Variants in KCNH6 observed in about 807,000 individuals in gnomAD.
KCNH6 encodes voltage-gated inwardly rectifying potassium channel KCNH6.
A neutral mutation model predicts 83.4 loss-of-function variants in KCNH6; 81 were observed. That is an observed-to-expected ratio of 0.97 (90% CI 0.81 to 1.17). The LOEUF (loss-of-function observed/expected upper bound fraction) is 1.17, where lower values mean the gene tolerates loss of function less well. KCNH6 is among the 50% of genes most tolerant of loss of function. KCNH6 has a pLI of 0.00. For missense variants in KCNH6, 1,203 were observed against 1,290.5 expected, an observed-to-expected ratio of 0.93 and a Z score of 1.04; for synonymous variants, 503 against 545.6, an observed-to-expected ratio of 0.92 and a Z score of 1.09.
chr17:63,542,261 GA>G lies in KCNH6; in HGVS notation c.1977del (p.Glu659AspfsTer19), dbSNP rs753783548. ...GGCAGGAAAGAATGACATCTTTGGG[GA>G]ACCCGTCAGCCTCCATGCCCAGCCA... ...AILGKNDIFG[E>X]PVSLHAQPGK... On this transcript the variant is annotated frameshift_variant, in exon 9 of 13. Coordinates refer to ENST00000314672, the MANE Select transcript of KCNH6 (RefSeq NM_001278919.2). LOFTEE classifies it high-confidence loss of function. 3.5e-5 allele frequency: 57 copies of G among 1,613,796 alleles called. No individual in the cohort carries two copies. In the African/African-American group the frequency reaches 6.7e-4, roughly 19 times the overall value.
rs765940305 is a variant in KCNH6 at position 63,524,219 on chromosome 17, G to A, written c.157G>A (p.Gly53Ser). 3.7e-5 allele frequency: 60 copies of A among 1,613,974 alleles called. 2 individuals are homozygous for A. In the South Asian group the frequency reaches 4.7e-4, roughly 13 times the overall value. The change falls in exon 2 of 13, where the codon GGC (glycine) becomes AGC (serine). Residue 53 changes from glycine (G) to serine (S), a missense_variant. By Grantham distance (56) the Gly-to-Ser change is moderately conservative. Transcript: ENST00000314672. Reference sequence around the variant, plus strand: ...CAACGACGGCTTCTGCGAACTCTTCGGCTACTCCCGAGTGGAGGTGATGCA... The same window carrying A: ...CAACGACGGCTTCTGCGAACTCTTCAGCTACTCCCGAGTGGAGGTGATGCA... ...YCNDGFCELF[G>S]YSRVEVMQQP...
rs371501678 is a variant in KCNH6, at chr17:63,535,702, C to A, written c.1135C>A (p.Arg379=). The A allele has an allele frequency of 1.9e-6, 3 of 1,612,734 alleles. No individual in the cohort carries two copies. The highest frequency in any genetic ancestry group is 1.3e-5 in the African/African-American group (1 of 75,070). Residue 379 remains arginine, a synonymous_variant, in exon 6 of 13, where the codon CGG becomes AGG. Transcript: ENST00000314672. This position sits in a 1 kb window ranked among gnomAD's most constrained non-coding sequence, Gnocchi z 4.9. ...TTLIGLLKTA[R]LLRLVRVARK... ...CCTGATTGGGCTATTGAAGACAGCG[C>A]GGCTGCTGCGGCTGGTGCGCGTAGC...
In KCNH6 at chr17:63,540,650, C is replaced by T. The variant is rs372867818; in HGVS notation, c.1955-1591C>T. On this transcript the variant is annotated intron_variant, in intron 8 of 12. Transcript: ENST00000314672. The stretch of plus-strand genomic sequence containing the variant: ...GGTTTCATGTGTGACCCTGGCAAGC[C>T]GCTTCCCTCTCCAGGCCTCAGCCCC... Among the ~76,000 whole-genome samples the T allele has an allele frequency of 2.6e-5, 4 of 152,232 alleles. No individual in the cohort carries two copies. The East Asian group carries it at 7.7e-4, about 29-fold the overall frequency.
rs768706778 is a variant in KCNH6 at position 63,544,384 on chromosome 17, T to C, written c.2369T>C (p.Leu790Pro). ...DCWPLKLGSR[L>P]EQLQAQMNRL... ...TGGCCTCTGAAGCTGGGCTCCAGGC[T>C]AGAGCAGCTCCAGGCCCAGATGAAC... The change falls in exon 11 of 13, where the codon CTA (leucine) becomes CCA (proline). Residue 790 changes from leucine to proline, a missense_variant. Coordinates refer to ENST00000314672, the MANE Select transcript of KCNH6 (RefSeq NM_001278919.2). 1.2e-6 allele frequency: 2 copies of C among 1,600,014 alleles called. No homozygotes were observed. Among genetic ancestry groups the C allele is most frequent in the Non-Finnish European group, 1.7e-6 (2 of 1,173,576 alleles).
rs770846582 is a variant in KCNH6 at position 63,530,140 on chromosome 17, C to T, written c.357C>T (p.Asp119=). Residue 119 remains aspartate, a synonymous_variant, in exon 3 of 13, where the codon GAC becomes GAT. Coordinates refer to ENST00000314672, the MANE Select transcript of KCNH6 (RefSeq NM_001278919.2). ...LVDVVPVKNE[D]GAVIMFILNF... ...ATGTGGTGCCCGTGAAGAACGAGGA[C>T]GGGGCTGTCATCATGTTCATTCTCA... 70 of 1,613,902 alleles carry T rather than the reference C, an allele frequency of 4.3e-5. No homozygotes were observed. In the East Asian group the frequency reaches 7.6e-4, roughly 17 times the overall value.
rs191154509 is a variant in KCNH6 at position 63,542,956 on chromosome 17, C to T, written c.2148+522C>T. On this transcript the variant is annotated intron_variant, in intron 9 of 12. Coordinates refer to ENST00000314672, the MANE Select transcript of KCNH6 (RefSeq NM_001278919.2). ...TTGACAACTCAAGAAAAATAAAGAG[C>T]CACAAAGTAAAACAGCCAAAGTCAC... Among the ~76,000 whole-genome samples, 3 of 152,292 alleles carry T rather than the reference C, an allele frequency of 2.0e-5. No individual in the cohort carries two copies. The East Asian group carries it at 5.8e-4, about 29-fold the overall frequency.
intron 6 of KCNH6, among the ~76,000 whole-genome samples, chr17:63,537,626 G>A (rs903445864): frequency 1.3e-5 from 2 of 151,980 alleles, no homozygotes; most frequent in East Asian, 1.9e-4. Flanking sequence ...TGGTACAGAC[G>A]GGGTTTCACC....
chr17:63,545,984 T>C lies in KCNH6; in HGVS notation c.*82T>C. The C allele has an allele frequency of 7.4e-7, 1 of 1,347,418 alleles. No individual in the cohort carries two copies. Among genetic ancestry groups the C allele is most frequent in the South Asian group, 1.3e-5 (1 of 76,538 alleles). The allele number at this position is 1,347,418 out of a possible 1,614,324, so 83.5% of individuals were successfully genotyped here. ...ATCTTGGGGAGGTGGCCGGGTGCAG[T>C]GGCTCGCCTGTAATCCCAGCACTTT... On this transcript the variant is annotated 3_prime_UTR_variant, in exon 13 of 13. Transcript: ENST00000314672.
intron 11 of KCNH6, 33 bp downstream of exon 11, chr17:63,544,444 T>G (rs8070334): frequency 0.58 from 850,499 of 1,468,072 alleles, 251,855 homozygotes; most frequent in African/African-American, 0.82. Flanking sequence ...TGGGGGCTGG[T>G]CATGGGTAGC....
chr17:63,524,392 G>A, intron 2 of KCNH6, 23 bp downstream of exon 2: 1 of 1,596,892 alleles, frequency 6.3e-7, no homozygotes, highest in Non-Finnish European at 8.6e-7. Flanking sequence ...CAGGCCAGAG[G>A]CTTTGCAGGG....
At position 63,535,017 on chromosome 17, in the gene KCNH6, C is replaced by T. The variant is rs1372491612; in HGVS notation, c.1102-652C>T. ...CCCATCACCAAACTTGCCAGTCTCC[C>T]GCCCCTCCACACAGCTGCCACAGCG... is the stretch of plus-strand genomic sequence containing the variant. On this transcript the variant is annotated intron_variant, in intron 5 of 12. Coordinates refer to ENST00000314672, the MANE Select transcript of KCNH6 (RefSeq NM_001278919.2). This position sits in a 1 kb window ranked among gnomAD's most constrained non-coding sequence, Gnocchi z 4.9. Among the ~76,000 whole-genome samples, 6 of 152,154 alleles carry T rather than the reference C, an allele frequency of 3.9e-5. No individual in the cohort carries two copies. Among genetic ancestry groups the T allele is most frequent in the Non-Finnish European group, 7.4e-5 (5 of 68,018 alleles).
intron 2 of KCNH6, among the ~76,000 whole-genome samples, chr17:63,525,452 C>T (rs1688342174): frequency 6.6e-6 from 1 of 152,136 alleles, no homozygotes; most frequent in Non-Finnish European, 1.5e-5. Context: ...AGAGAAGTCC[C>T]CAGGGAAGGC....
At chr17:63,531,953 A>G (rs530152132) in intron 4 of KCNH6, among the ~76,000 whole-genome samples, 1 of 152,318 alleles carries the variant, frequency 6.6e-6, no homozygotes, top group Admixed American at 6.5e-5. Context: ...GAGGACCCAG[A>G]TCAGGGAAGT....
At chr17:63,541,801 C>T (rs2032877641) in intron 8 of KCNH6, among the ~76,000 whole-genome samples, 2 of 152,350 alleles carry the variant, frequency 1.3e-5, no homozygotes, top group African/African-American at 2.4e-5. Flanking sequence ...GACAGAGAAG[C>T]CTCTGGCCCT....
intron 8 of KCNH6, among the ~76,000 whole-genome samples, 157 bp from the exon 9 acceptor site, chr17:63,542,084 C>G (rs1423641800): frequency 6.6e-6 from 1 of 152,198 alleles, no homozygotes; most frequent in African/African-American, 2.4e-5. Flanking sequence ...CTGCCACCCA[C>G]AGCCAGCACA....
At chr17:63,543,299 G>A (rs7225964) in intron 9 of KCNH6, among the ~76,000 whole-genome samples, 9 of 146,412 alleles carry the variant, frequency 6.1e-5, no homozygotes, top group Non-Finnish European at 1.0e-4. Flanking sequence ...CCTCCCTCCC[G>A]CGATCTGCAC....
rs1054360560 is a variant in KCNH6, at chr17:63,534,059, C to T, written c.849C>T (p.Ser283=). The stretch of plus-strand genomic sequence containing the variant: ...CCTACTCAGCCGCCTTCCTGCTCAG[C>T]GATCAGGACGAATCACGGCGTGGGG... ...FTPYSAAFLL[S]DQDESRRGAC... Residue 283 remains serine (S), a synonymous_variant, in exon 5 of 13, where the codon AGC becomes AGT. Transcript: ENST00000314672. The surrounding 1 kb of genome is among the most constrained non-coding windows in gnomAD (Gnocchi z 5.0). 7 of 1,614,184 alleles carry T rather than the reference C, an allele frequency of 4.3e-6. No individual in the cohort carries two copies. The highest frequency in any genetic ancestry group is 2.2e-5 in the East Asian group (1 of 44,886).
At chr17:63,544,035 C>T (rs759750392) in intron 10 of KCNH6, 6 of 1,576,580 alleles carry the variant, frequency 3.8e-6, no homozygotes, top group Non-Finnish European at 5.2e-6. Context: ...GCTGGGGCCC[C>T]AGTTCCCCTC....
rs539751330 is a variant in KCNH6 at position 63,535,274 on chromosome 17, G to A, written c.1102-395G>A. Among the ~76,000 whole-genome samples, 4 of 152,180 alleles carry A rather than the reference G, an allele frequency of 2.6e-5. No individual in the cohort carries two copies. The highest frequency in any genetic ancestry group is 3.9e-4 in the East Asian group (2 of 5,166). The stretch of plus-strand genomic sequence containing the variant: ...AGTGCCACACTCGGTTTCCCACATC[G>A]GCCACGCACTTCACACCTCAGTGCC... On this transcript the variant is annotated intron_variant, in intron 5 of 12. Transcript: ENST00000314672. This position sits in a 1 kb window ranked among gnomAD's most constrained non-coding sequence, Gnocchi z 4.9.
Sources: gnomAD v4.1 joint callset for allele counts (sites outside exome capture counted in the v4.1 genomes callset) on GRCh38, gnomAD v4.1.1 for gene constraint, Gnocchi (gnomAD v3.1) non-coding constraint, MANE v1.5 for transcripts, NCBI Gene and HGNC (gene_info 2026-07-23, HGNC 2026-07-21) for gene names.